Variants in PREX1 observed in about 807,000 individuals in gnomAD.
The protein encoded by PREX1 is phosphatidylinositol-3,4,5-trisphosphate dependent Rac exchange factor 1.
A neutral mutation model predicts 198.3 loss-of-function variants in PREX1; 41 were observed. The observed-to-expected ratio is 0.21, with a 90% confidence interval of 0.16 to 0.27. The LOEUF is 0.27. Ranked by LOEUF, PREX1 falls within the 10% of genes least tolerant of loss-of-function variation. PREX1 has a pLI of 1.00. For missense variants in PREX1, 1,620 were observed against 2,200.7 expected, an observed-to-expected ratio of 0.74 and a Z score of 5.28; for synonymous variants, 843 against 887.2, an observed-to-expected ratio of 0.95 and a Z score of 0.89.
At chr20:48,878,722 A>G in the PREX1 span, among the ~76,000 whole-genome samples, 1 of 152,212 alleles carries the variant, frequency 6.6e-6, no homozygotes, top group African/African-American at 2.4e-5. Flanking sequence ...GACCTATCCC[A>G]GATCCAGAGA....
At chr20:48,699,980 CCATT>C (rs1423107569) in intron 7 of PREX1, among the ~76,000 whole-genome samples, 1 of 152,180 alleles carries the variant, frequency 6.6e-6, no homozygotes, top group African/African-American at 2.4e-5. Context: ...CTTCTACCAT[CCATT>C]CACCTCCCAA....
rs1289262717 is a variant in PREX1 at position 48,624,466 on chromosome 20, AG to A, written c.*1418del. 6.6e-6 allele frequency: 1 copy of A among 152,480 alleles called. No homozygotes were observed. Among genetic ancestry groups the A allele is most frequent in the Non-Finnish European group, 1.5e-5 (1 of 68,036 alleles). The allele number at this position is 152,480 out of a possible 1,614,324, so 9.4% of individuals were successfully genotyped here. On this transcript the variant is annotated 3_prime_UTR_variant, in exon 40 of 40. Coordinates refer to ENST00000371941, the MANE Select transcript of PREX1 (RefSeq NM_020820.4). ...GCCCTCGTGTATGCTGCGGCAAGAG[AG>A]GGAAGCGCACCCTGGAGGGCGGGAG...
At chr20:48,785,362 C>T (rs2090307327) in intron 1 of PREX1, among the ~76,000 whole-genome samples, 1 of 152,242 alleles carries the variant, frequency 6.6e-6, no homozygotes, top group Non-Finnish European at 1.5e-5. Flanking sequence ...TGGGTGGCAG[C>T]CAACACCAGC....
At chr20:48,741,413 G>A (rs2090081219) in intron 3 of PREX1, among the ~76,000 whole-genome samples, 1 of 152,098 alleles carries the variant, frequency 6.6e-6, no homozygotes, top group Admixed American at 6.6e-5. Flanking sequence ...AGGCTGGAGT[G>A]CAGCGGCATG....
At chr20:48,685,140 A>G (rs191307074) in intron 10 of PREX1, among the ~76,000 whole-genome samples, 2 of 152,218 alleles carry the variant, frequency 1.3e-5, no homozygotes, top group Admixed American at 6.5e-5. Context: ...GCTTACCTCT[A>G]TGAGGGCAGG....
chr20:48,666,302 G>A lies in PREX1; in HGVS notation c.1719C>T (p.Asn573=). ...EAVALGVGLC[N]NGFMHHVLEK... is the part of the protein sequence containing the mutation. ...GGTTACCGTGGTGCATGAAGCCATTGTTGCACAGACCCACGCCGAGCGCCA... is the reference window on the plus strand; with the variant it reads ...GGTTACCGTGGTGCATGAAGCCATTATTGCACAGACCCACGCCGAGCGCCA... Residue 573 remains asparagine, a synonymous_variant, in exon 15 of 40, where the codon AAC becomes AAT. Coordinates refer to ENST00000371941, the MANE Select transcript of PREX1 (RefSeq NM_020820.4). This position sits in a 1 kb window ranked among gnomAD's most constrained non-coding sequence, Gnocchi z 4.3. 1 of 1,570,366 alleles carries A rather than the reference G, an allele frequency of 6.4e-7. No individual in the cohort carries two copies. The highest frequency in any genetic ancestry group is 1.2e-5 in the South Asian group (1 of 85,438).
chr20:48,885,365 T>C, the PREX1 span, among the ~76,000 whole-genome samples: 1 of 152,160 alleles, frequency 6.6e-6, no homozygotes, highest in South Asian at 2.1e-4. Context: ...AATATGGGTA[T>C]AGTAGAGCTT....
chr20:48,650,181 A>T lies in PREX1; in HGVS notation c.2843T>A (p.Val948Asp). The change falls in exon 24 of 40, where the codon GTC becomes GAC. Residue 948 changes from valine (V) to aspartate (D), a missense_variant. Val to Asp is a radical substitution (Grantham distance 152). This residue lies in a region of PREX1 where 514 missense variants were observed against 611.6 expected (regional missense o/e 0.84). Transcript: ENST00000371941. ...QEFAAQLKSR[V>D]SPPFKQAPLE... is the part of the protein sequence containing the mutation. Reference sequence around the variant, plus strand: ...GGGGGCTTGTTTGAAGGGTGGGCTGACCCTGCTCTTCAGTTGGGCTGCAAA... The same window carrying T: ...GGGGGCTTGTTTGAAGGGTGGGCTGTCCCTGCTCTTCAGTTGGGCTGCAAA... 6.2e-7 allele frequency: 1 copy of T among 1,613,346 alleles called. No individual in the cohort carries two copies. Among genetic ancestry groups the T allele is most frequent in the Non-Finnish European group, 8.5e-7 (1 of 1,179,702 alleles).
chr20:48,795,009 A>G (rs2090354817), intron 1 of PREX1, among the ~76,000 whole-genome samples: 1 of 152,228 alleles, frequency 6.6e-6, no homozygotes. Context: ...TGTCACCAAA[A>G]GTCAGGTGAC....
Position 48,666,460 on chromosome 20 carries a change from GC to G in PREX1, c.1666-106del. On this transcript the variant is annotated intron_variant, in intron 14 of 39. Transcript: ENST00000371941. The surrounding 1 kb of genome is among the most constrained non-coding windows in gnomAD (Gnocchi z 4.3). ...ACCCAAGAAGGTAGGCTCCACGAGG[GC>G]CAGGGGTTGTCTGTTTTGTTTACTG... The G allele has an allele frequency of 1.1e-6, 1 of 895,352 alleles. No homozygotes were observed. The highest frequency in any genetic ancestry group is 1.8e-6 in the Non-Finnish European group (1 of 569,594). 55.5% of individuals were successfully genotyped at this position (895,352 alleles called of 1,614,324 possible).
At chr20:48,801,859 T>A (rs1304598695) in intron 1 of PREX1, among the ~76,000 whole-genome samples, 1 of 152,164 alleles carries the variant, frequency 6.6e-6, no homozygotes, top group South Asian at 2.1e-4. Context: ...GAGCTCTCAC[T>A]CTGGGGAGTC....
the PREX1 span, among the ~76,000 whole-genome samples, chr20:48,874,479 G>A: frequency 2.6e-5 from 4 of 151,766 alleles, no homozygotes; most frequent in East Asian, 7.7e-4. Context: ...GCGTTGTGGC[G>A]GGAGTTTGGG....
rs180805794 is a variant in PREX1, at chr20:48,788,586, T to A, written c.219+39056A>T. ...CCCTAGATCAAACTCTACCTGAAGC[T>A]GTAGGTCTAGCTTCATGGGCTATTA... On this transcript the variant is annotated intron_variant, in intron 1 of 39. Coordinates refer to ENST00000371941, the MANE Select transcript of PREX1 (RefSeq NM_020820.4). Among the ~76,000 whole-genome samples, 3 of 152,354 alleles carry A rather than the reference T, an allele frequency of 2.0e-5. No homozygotes were observed. In the East Asian group the frequency reaches 5.8e-4, roughly 29 times the overall value.
chr20:48,765,050 A>C lies in PREX1; in HGVS notation c.220-17170T>G, dbSNP rs187392471. 8.6e-4 allele frequency among the ~76,000 whole-genome samples: 131 copies of C among 152,314 alleles called. 1 individual carries two copies. Among genetic ancestry groups the C allele is most frequent in the African/African-American group, 2.8e-3 (118 of 41,558 alleles). On this transcript the variant is annotated intron_variant, in intron 1 of 39. Transcript: ENST00000371941. ...TGACCTCCAGAAGTGTAAGATAATA[A>C]ATCTGTGCTGTTTAAAGGCACAAGA...
chr20:48,714,720 A>G (rs555331653), intron 5 of PREX1, among the ~76,000 whole-genome samples: 2 of 152,354 alleles, frequency 1.3e-5, no homozygotes, highest in East Asian at 3.9e-4. Context: ...AGACACCATG[A>G]TCCAGCCATA....
At chr20:48,795,788 CT>C (rs1369771223) in intron 1 of PREX1, among the ~76,000 whole-genome samples, 1 of 152,132 alleles carries the variant, frequency 6.6e-6, no homozygotes, top group African/African-American at 2.4e-5. Flanking sequence ...GCTCAGAATG[CT>C]AGGTGATCCT....
At chr20:48,884,234 A>C in the PREX1 span, among the ~76,000 whole-genome samples, 1 of 152,282 alleles carries the variant, frequency 6.6e-6, no homozygotes, top group Middle Eastern at 3.4e-3. Context: ...AGCCAAGACA[A>C]CTTTGACAAA....
chr20:48,813,302 A>C (rs181992039), intron 1 of PREX1, among the ~76,000 whole-genome samples: 3 of 152,312 alleles, frequency 2.0e-5, no homozygotes, highest in Admixed American at 2.0e-4. Flanking sequence ...TGGCTCTGGG[A>C]CAAGCATGAG....
intron 4 of PREX1, among the ~76,000 whole-genome samples, chr20:48,731,971 G>A (rs1393229746): frequency 6.6e-6 from 1 of 152,222 alleles, no homozygotes; most frequent in Non-Finnish European, 1.5e-5. Flanking sequence ...GTCAGAGGGT[G>A]GGACCCTCAG....
Sources: allele counts gnomAD v4.1 joint callset (sites outside exome capture counted in the v4.1 genomes callset), GRCh38; gene constraint gnomAD v4.1.1; regional missense constraint gnomAD v4.1.1; non-coding constraint Gnocchi (gnomAD v3.1); transcripts MANE v1.5; gene names NCBI Gene and HGNC (gene_info 2026-07-23, HGNC 2026-07-21).